Variants in DNER observed in about 807,000 individuals in gnomAD.
DNER encodes the protein delta/notch like EGF repeat containing, also known as delta and Notch-like epidermal growth factor-related receptor.
In DNER, 33 loss-of-function variants were observed where a neutral mutation model predicts 78.2. The ratio of observed to expected loss-of-function variants is 0.42; its 90% confidence interval spans 0.32 to 0.56. The LOEUF (loss-of-function observed/expected upper bound fraction) is 0.56, where lower values mean the gene tolerates loss of function less well. Ranked by LOEUF, DNER falls within the 20% of genes least tolerant of loss-of-function variation. The pLI is 0.11. For synonymous variants in DNER, 417 were observed against 384.8 expected, an observed-to-expected ratio of 1.08 and a Z score of -0.98; for missense variants, 918 against 975.3, an observed-to-expected ratio of 0.94 and a Z score of 0.78.
At chr2:229,648,287 T>C (rs985611899) in intron 1 of DNER, among the ~76,000 whole-genome samples, 2 of 152,236 alleles carry the variant, frequency 1.3e-5, no homozygotes, top group African/African-American at 4.8e-5. Context: ...ATGTGGTACC[T>C]AGTAGATGCT....
chr2:229,412,709 C>A (rs1693548925), intron 9 of DNER, among the ~76,000 whole-genome samples: 1 of 152,018 alleles, frequency 6.6e-6, no homozygotes, highest in African/African-American at 2.4e-5. Context: ...ATCTGGGAGA[C>A]CAAGACTTAG....
chr2:229,380,156 A>G (rs1692702753), intron 11 of DNER, among the ~76,000 whole-genome samples: 1 of 152,156 alleles, frequency 6.6e-6, no homozygotes, highest in South Asian at 2.1e-4. Flanking sequence ...TTGATGTCAG[A>G]GAATGTGGTC....
chr2:229,447,370 C>T lies in DNER; in HGVS notation c.1432G>A (p.Ala478Thr). The T allele has an allele frequency of 1.9e-6, 3 of 1,612,676 alleles. No homozygotes were observed. In the South Asian group the frequency reaches 3.3e-5, roughly 18 times the overall value. Residue 478 changes from alanine (A) to threonine (T), a missense_variant, in exon 8 of 13, where the codon GCT becomes ACT. Coordinates refer to ENST00000341772, the MANE Select transcript of DNER (RefSeq NM_139072.4). ...CCCACGCTGCGGCACGTGCCATGAGCACAGGGGCTGAGGGCACAGAAGTCA... is the reference window on the plus strand; with the variant it reads ...CCCACGCTGCGGCACGTGCCATGAGTACAGGGGCTGAGGGCACAGAAGTCA... Reference protein sequence around the residue: ...LIDFCALSPCAHGTCRSVGTS... With the variant: ...LIDFCALSPCTHGTCRSVGTS...
At chr2:229,409,594 T>C (rs1214399228) in intron 9 of DNER, among the ~76,000 whole-genome samples, 2 of 152,224 alleles carry the variant, frequency 1.3e-5, no homozygotes. Context: ...AATAAGCAAT[T>C]TCAATCTTTT....
At chr2:229,686,685 C>A (rs553572371) in intron 1 of DNER, among the ~76,000 whole-genome samples, 35 of 152,340 alleles carry the variant, frequency 2.3e-4, no homozygotes, top group African/African-American at 8.4e-4. Context: ...ACTCAGCTCA[C>A]AAACAAATCC....
intron 5 of DNER, among the ~76,000 whole-genome samples, chr2:229,513,335 T>C (rs1228996921): frequency 2.6e-5 from 4 of 152,216 alleles, no homozygotes; most frequent in Admixed American, 2.0e-4. Context: ...AGATAGCACT[T>C]GCAACAAAGA....
chr2:229,564,917 C>T (rs1697073980), intron 4 of DNER, among the ~76,000 whole-genome samples: 1 of 152,114 alleles, frequency 6.6e-6, no homozygotes, highest in African/African-American at 2.4e-5. Flanking sequence ...AGGGCCCGTT[C>T]CTGGCTCACA....
chr2:229,542,843 A>G (rs1004507713), intron 5 of DNER, among the ~76,000 whole-genome samples: 2 of 151,274 alleles, frequency 1.3e-5, no homozygotes, highest in African/African-American at 4.9e-5. Context: ...AAGTCCCCCC[A>G]GACATTTCTC....
At chr2:229,652,793 A>C (rs567841536) in intron 1 of DNER, among the ~76,000 whole-genome samples, 1 of 152,214 alleles carries the variant, frequency 6.6e-6, no homozygotes, top group Non-Finnish European at 1.5e-5. Flanking sequence ...ATGCCTAAAA[A>C]TAGTTCTTCA....
intron 1 of DNER, among the ~76,000 whole-genome samples, chr2:229,695,329 A>G (rs1393883440): frequency 6.6e-6 from 1 of 152,220 alleles, no homozygotes; most frequent in Non-Finnish European, 1.5e-5. Flanking sequence ...ATTAAAACAC[A>G]TAATATAGGG....
At chr2:229,684,169 A>AGAGAGAGTGT (rs1184050138) in intron 1 of DNER, among the ~76,000 whole-genome samples, 17 of 94,634 alleles carry the variant, frequency 1.8e-4, no homozygotes, top group African/African-American at 6.3e-4. Flanking sequence ...AGAGAGAGAG[A>AGAGAGAGTGT]GTGTGTGTGT....
chr2:229,367,193 G>T, intron 11 of DNER, 74 bp from the exon 12 acceptor site: 1 of 1,579,194 alleles, frequency 6.3e-7, no homozygotes. Flanking sequence ...TTTCATCTTT[G>T]CATAGATAAC....
At chr2:229,480,730 T>G (rs1158138653) in intron 6 of DNER, among the ~76,000 whole-genome samples, 1 of 152,244 alleles carries the variant, frequency 6.6e-6, no homozygotes, top group Non-Finnish European at 1.5e-5. Context: ...ATAACAGAGT[T>G]GTCACACTGA....
At chr2:229,564,986 G>T (rs1240411343) in intron 4 of DNER, among the ~76,000 whole-genome samples, 1 of 152,148 alleles carries the variant, frequency 6.6e-6, no homozygotes, top group African/African-American at 2.4e-5. Flanking sequence ...GCTCTCTGGG[G>T]TCTCTTTCAT....
intron 6 of DNER, among the ~76,000 whole-genome samples, chr2:229,502,598 C>T (rs1695644956): frequency 6.6e-6 from 1 of 152,042 alleles, no homozygotes; most frequent in Non-Finnish European, 1.5e-5. Flanking sequence ...TTTGTTTACC[C>T]TGCGGAAGAT....
At chr2:229,383,955 A>G (rs1692803103) in intron 11 of DNER, among the ~76,000 whole-genome samples, 1 of 152,190 alleles carries the variant, frequency 6.6e-6, no homozygotes, top group African/African-American at 2.4e-5. Flanking sequence ...AGCAGAATAC[A>G]CATTCTTCTC....
chr2:229,461,221 T>C (rs1475234398), intron 7 of DNER, among the ~76,000 whole-genome samples: 3 of 152,094 alleles, frequency 2.0e-5, no homozygotes, highest in Non-Finnish European at 4.4e-5. Flanking sequence ...ACATACATTA[T>C]ATATAAAGAG....
intron 8 of DNER, among the ~76,000 whole-genome samples, chr2:229,427,892 T>C (rs1030086896): frequency 5.9e-5 from 9 of 151,804 alleles, no homozygotes; most frequent in African/African-American, 9.7e-5. Context: ...CTGACCAACA[T>C]GGTGAAATCT....
chr2:229,481,154 T>C (rs1290924676), intron 6 of DNER, among the ~76,000 whole-genome samples: 1 of 152,176 alleles, frequency 6.6e-6, no homozygotes, highest in Non-Finnish European at 1.5e-5. Flanking sequence ...GAGGGGCCCT[T>C]TGGCAGGACA....
Sources: allele counts gnomAD v4.1 joint callset (sites outside exome capture counted in the v4.1 genomes callset), GRCh38; gene constraint gnomAD v4.1.1; transcripts MANE v1.5; gene names NCBI Gene and HGNC (gene_info 2026-07-23, HGNC 2026-07-21).